The following ACTR3 variants were observed in gnomAD, a reference collection of about 807,000 sequenced individuals.
ACTR3 encodes the protein actin related protein 3.
A neutral mutation model predicts 56.8 loss-of-function variants in ACTR3; 12 were observed. The ratio of observed to expected loss-of-function variants is 0.21; its 90% CI spans 0.14 to 0.34. ACTR3 has a LOEUF of 0.34. Among genes scored for constraint, ACTR3 ranks in the 10% least tolerant of loss-of-function variants. The pLI is 1.00. For missense variants in ACTR3, 282 were observed against 512.5 expected, an observed-to-expected ratio of 0.55 and a Z score of 4.34; for synonymous variants, 162 against 167.4, an observed-to-expected ratio of 0.97 and a Z score of 0.25.
intron 1 of ACTR3, among the ~76,000 whole-genome samples, chr2:113,909,435 TGTG>T (rs575821745): frequency 6.6e-6 from 1 of 152,170 alleles, no homozygotes; most frequent in South Asian, 2.1e-4. Context: ...TCTACTGTAA[TGTG>T]GTCTGTACTT....
At chr2:113,909,734 T>A (rs1679268239) in intron 1 of ACTR3, among the ~76,000 whole-genome samples, 1 of 151,830 alleles carries the variant, frequency 6.6e-6, no homozygotes, top group African/African-American at 2.4e-5. Context: ...TGCTTAGAGC[T>A]GGGTTTATGT....
intron 1 of ACTR3, among the ~76,000 whole-genome samples, chr2:113,897,008 A>G (rs867445765): frequency 6.6e-6 from 1 of 152,238 alleles, no homozygotes; most frequent in Non-Finnish European, 1.5e-5. Context: ...ATTCCACTAT[A>G]ATAAAAAAAG....
chr2:113,945,353 T>G (rs1310123546), intron 8 of ACTR3, among the ~76,000 whole-genome samples: 2 of 152,098 alleles, frequency 1.3e-5, no homozygotes, highest in Admixed American at 1.3e-4. Context: ...CCCAGATTTC[T>G]AAATACTGTG....
At chr2:113,912,633 C>T (rs1045439485) in intron 1 of ACTR3, among the ~76,000 whole-genome samples, 2 of 152,102 alleles carry the variant, frequency 1.3e-5, no homozygotes, top group African/African-American at 4.8e-5. Flanking sequence ...TGTAGTCTTC[C>T]AGAGATACGT....
chr2:113,954,797 A>C (rs1680182459), intron 10 of ACTR3: 1 of 151,524 alleles, frequency 6.6e-6, no homozygotes, highest in Non-Finnish European at 1.5e-5. Context: ...TATTCCTGTT[A>C]GTGGAGAACG....
chr2:113,946,768 G>A (rs1680030620), intron 8 of ACTR3, among the ~76,000 whole-genome samples: 1 of 152,086 alleles, frequency 6.6e-6, no homozygotes, highest in Non-Finnish European at 1.5e-5. Context: ...CCATACCCGT[G>A]TCCAGAATGG....
intron 3 of ACTR3, among the ~76,000 whole-genome samples, chr2:113,923,763 G>A (rs549524824): frequency 1.3e-5 from 2 of 151,038 alleles, no homozygotes; most frequent in South Asian, 4.2e-4. Flanking sequence ...TCATAAAATG[G>A]GGTGACTCAA....
intron 4 of ACTR3, among the ~76,000 whole-genome samples, chr2:113,929,489 T>C (rs764281277): frequency 2.0e-5 from 3 of 152,180 alleles, no homozygotes; most frequent in Non-Finnish European, 2.9e-5. Context: ...ACAAGACTTT[T>C]TGTGGACATA....
At position 113,939,832 on chromosome 2, in the gene ACTR3, A is replaced by G. The variant is rs542179059; in HGVS notation, c.541-127A>G. 8.5e-5 allele frequency: 60 copies of G among 706,496 alleles called. No individual in the cohort carries two copies. The African/African-American group carries it at 9.3e-4, about 11-fold the overall frequency. 43.8% of individuals were successfully genotyped at this position (706,496 alleles called of 1,614,324 possible). A position where few individuals can be genotyped will look rare whatever the true frequency, so the allele number is the denominator to read the frequency against. ...CTGAGGAATAAAGGTAAGTTCTGAG[A>G]TAAAGCAGTACTTGAGACTATAAAT... On this transcript the variant is annotated intron_variant, in intron 6 of 11. Coordinates refer to ENST00000263238, the MANE Select transcript of ACTR3 (RefSeq NM_005721.5).
intron 2 of ACTR3, among the ~76,000 whole-genome samples, chr2:113,915,571 T>C (rs1037170146): frequency 6.6e-6 from 1 of 152,216 alleles, no homozygotes; most frequent in African/African-American, 2.4e-5. Flanking sequence ...TTGTGTATAA[T>C]CTTTTGTTGT....
chr2:113,939,663 C>G (rs1679890063), intron 6 of ACTR3, among the ~76,000 whole-genome samples: 1 of 152,168 alleles, frequency 6.6e-6, no homozygotes, highest in Non-Finnish European at 1.5e-5. Flanking sequence ...ATAGTACCAT[C>G]TGATATAAAG....
intron 1 of ACTR3, among the ~76,000 whole-genome samples, chr2:113,895,721 C>T (rs146652067): frequency 2.7e-4 from 41 of 152,166 alleles, no homozygotes; most frequent in Non-Finnish European, 4.1e-4. Flanking sequence ...ATTTTATTTA[C>T]GGGTAGCAAA....
chr2:113,890,039 A>AG, upstream of ACTR3: 1 of 501,820 alleles, frequency 2.0e-6, no homozygotes, highest in Non-Finnish European at 3.4e-6. Context: ...GGGAAGAGAG[A>AG]GGGGGAGGAG....
chr2:113,946,703 A>G (rs889711952), intron 8 of ACTR3, among the ~76,000 whole-genome samples: 1 of 152,108 alleles, frequency 6.6e-6, no homozygotes, highest in Non-Finnish European at 1.5e-5. Flanking sequence ...AAGCTCTTTA[A>G]TTAGATCCCA....
Position 113,960,920 on chromosome 2 carries a change from C to T in ACTR3, c.*3465C>T, listed in dbSNP as rs1680313759. 6.6e-6 allele frequency: 1 copy of T among 151,934 alleles called. No homozygotes were observed. The highest frequency in any genetic ancestry group is 2.4e-5 in the African/African-American group (1 of 41,400). 9.4% of individuals were successfully genotyped at this position (151,934 alleles called of 1,614,324 possible). On this transcript the variant is annotated 3_prime_UTR_variant, in exon 12 of 12. Transcript: ENST00000263238. ...AAAATATATTTCATTGTAACAGCAC[C>T]TTGTATATATAGTTGGCCAAGGACA...
chr2:113,930,536 C>CTAT (rs1211355737), intron 4 of ACTR3, among the ~76,000 whole-genome samples: 1 of 151,834 alleles, frequency 6.6e-6, no homozygotes, highest in Non-Finnish European at 1.5e-5. Flanking sequence ...TTTGAGATAC[C>CTAT]TATTAGATTG....
chr2:113,956,212 T>G (rs1022784141), intron 11 of ACTR3, among the ~76,000 whole-genome samples: 2 of 151,544 alleles, frequency 1.3e-5, no homozygotes, highest in Non-Finnish European at 2.9e-5. Context: ...TGTTTAAATT[T>G]ATATATATAT....
intron 3 of ACTR3, among the ~76,000 whole-genome samples, chr2:113,918,458 A>ACT (rs1432358492): frequency 6.7e-6 from 1 of 149,746 alleles, no homozygotes; most frequent in African/African-American, 2.5e-5. Context: ...AACATGACTC[A>ACT]CTGCAGCCTT....
intron 1 of ACTR3, among the ~76,000 whole-genome samples, chr2:113,908,283 G>A: frequency 6.7e-6 from 1 of 149,240 alleles, no homozygotes; most frequent in African/African-American, 2.5e-5. Context: ...GAAAAAGCGA[G>A]AGAAACTTCT....
Sources: gnomAD v4.1 joint callset for allele counts (sites outside exome capture counted in the v4.1 genomes callset) on GRCh38, gnomAD v4.1.1 for gene constraint, MANE v1.5 for transcripts, NCBI Gene and HGNC (gene_info 2026-07-23, HGNC 2026-07-21) for gene names.